Variants in PPM1H observed in about 807,000 individuals in gnomAD.
PPM1H encodes protein phosphatase, Mg2+/Mn2+ dependent 1H, also known as protein phosphatase 1H.
In PPM1H, 27 loss-of-function variants were observed where a neutral mutation model predicts 54.9. That is an observed-to-expected ratio of 0.49 (90% confidence interval 0.36 to 0.68). The LOEUF is 0.68. Among genes scored for constraint, PPM1H ranks in the 30% least tolerant of loss-of-function variants. PPM1H has a pLI of 0.00. For missense variants in PPM1H, 596 were observed against 667.8 expected, an observed-to-expected ratio of 0.89 and a Z score of 1.19; for synonymous variants, 305 against 270.8, an observed-to-expected ratio of 1.13 and a Z score of -1.24.
At chr12:62,911,717 C>T (rs1393378733) in intron 1 of PPM1H, among the ~76,000 whole-genome samples, 1 of 152,248 alleles carries the variant, frequency 6.6e-6, no homozygotes, top group African/African-American at 2.4e-5. Context: ...CACGCTTTCC[C>T]TCTACTGCAT....
intron 1 of PPM1H, among the ~76,000 whole-genome samples, chr12:62,861,814 A>C (rs996650495): frequency 6.6e-6 from 1 of 152,168 alleles, no homozygotes; most frequent in Admixed American, 6.5e-5. Context: ...TGTCCCTTCT[A>C]AAGGGGCAGC....
chr12:62,825,890 A>T lies in PPM1H; in HGVS notation c.411+6224T>A, dbSNP rs182096307. 5.0e-3 allele frequency among the ~76,000 whole-genome samples: 768 copies of T among 152,280 alleles called. 9 individuals are homozygous for T. Among genetic ancestry groups the T allele is most frequent in the African/African-American group, 0.016 (651 of 41,556 alleles). ...TAGAACTTAAAGTATAATAAAAAAA[A>T]AATAATAAAATGCCAAATTACCACC... On this transcript the variant is annotated intron_variant, in intron 2 of 9. Coordinates refer to ENST00000228705, the MANE Select transcript of PPM1H (RefSeq NM_020700.2).
intron 1 of PPM1H, among the ~76,000 whole-genome samples, chr12:62,855,177 T>A (rs1443965241): frequency 6.6e-6 from 1 of 152,194 alleles, no homozygotes; most frequent in Non-Finnish European, 1.5e-5. Flanking sequence ...GGCACTATTC[T>A]GGTTTTAGTG....
At chr12:62,929,742 A>T (rs1418658447) in intron 1 of PPM1H, among the ~76,000 whole-genome samples, 1 of 152,126 alleles carries the variant, frequency 6.6e-6, no homozygotes, top group African/African-American at 2.4e-5. Context: ...ATAATGCTAT[A>T]TCTGAAATAT....
intron 1 of PPM1H, among the ~76,000 whole-genome samples, chr12:62,890,717 TACACACACACACACACACACAC>T (rs5798665): frequency 3.5e-5 from 5 of 143,212 alleles, no homozygotes; most frequent in African/African-American, 1.3e-4. Context: ...TGTGTGTGTA[TACACACACACACACACACACAC>T]ACACACACAC....
chr12:62,703,393 T>C (rs931699863), intron 6 of PPM1H, among the ~76,000 whole-genome samples: 42 of 151,504 alleles, frequency 2.8e-4, no homozygotes, highest in Non-Finnish European at 4.7e-4. Context: ...TTTTTTTTTT[T>C]TCCTTAGCTG....
At chr12:62,751,758 A>G (rs542807375) in intron 4 of PPM1H, among the ~76,000 whole-genome samples, 77 of 152,312 alleles carry the variant, frequency 5.1e-4, no homozygotes, top group African/African-American at 1.8e-3. Context: ...TGAGATCTAG[A>G]CTGTATAATG....
intron 1 of PPM1H, among the ~76,000 whole-genome samples, chr12:62,888,180 A>T (rs1870659143): frequency 6.6e-6 from 1 of 152,176 alleles, no homozygotes; most frequent in Non-Finnish European, 1.5e-5. Context: ...TGATGAGACA[A>T]AGAACAGAGC....
chr12:62,698,725 AC>A (rs1319087436), intron 6 of PPM1H, among the ~76,000 whole-genome samples: 1 of 152,170 alleles, frequency 6.6e-6, no homozygotes, highest in African/African-American at 2.4e-5. Flanking sequence ...TTTTAGGGTT[AC>A]ATATGGAGAC....
intron 1 of PPM1H, among the ~76,000 whole-genome samples, chr12:62,846,374 C>A (rs2120915300): frequency 6.6e-6 from 1 of 152,072 alleles, no homozygotes; most frequent in South Asian, 2.1e-4. Flanking sequence ...GTGGCAGGCA[C>A]CTGTAGTCCC....
chr12:62,896,898 C>T (rs1421479950), intron 1 of PPM1H, among the ~76,000 whole-genome samples: 1 of 152,056 alleles, frequency 6.6e-6, no homozygotes, highest in East Asian at 1.9e-4. Context: ...GGCACACATA[C>T]ACTATGGAAT....
chr12:62,686,662 C>A (rs1463243005), intron 8 of PPM1H, among the ~76,000 whole-genome samples: 1 of 152,194 alleles, frequency 6.6e-6, no homozygotes, highest in East Asian at 1.9e-4. Flanking sequence ...CTTCATTATG[C>A]AGAATTGCTA....
chr12:62,878,348 A>C (rs1466274688), intron 1 of PPM1H, among the ~76,000 whole-genome samples: 3 of 152,266 alleles, frequency 2.0e-5, no homozygotes, highest in African/African-American at 7.2e-5. Flanking sequence ...TGGAGATGGA[A>C]AGAATCTACC....
chr12:62,825,732 G>A (rs573188830), intron 2 of PPM1H, among the ~76,000 whole-genome samples: 6 of 152,200 alleles, frequency 3.9e-5, no homozygotes, highest in South Asian at 2.1e-4. Flanking sequence ...GGGGCCTGTC[G>A]CGGAGTGTGG....
chr12:62,656,392 A>C (rs1167683560), intron 9 of PPM1H, among the ~76,000 whole-genome samples: 3 of 152,164 alleles, frequency 2.0e-5, no homozygotes, highest in African/African-American at 7.2e-5. Context: ...GAGGTCAATA[A>C]GTGTTAGTTA....
At chr12:62,705,450 G>A (rs411169) in intron 6 of PPM1H, among the ~76,000 whole-genome samples, 2 of 152,338 alleles carry the variant, frequency 1.3e-5, no homozygotes, top group African/African-American at 4.8e-5. Flanking sequence ...AGTAAACAAA[G>A]TGAAAGTCAC....
At chr12:62,688,923 G>A (rs2076069187) in intron 8 of PPM1H, among the ~76,000 whole-genome samples, 1 of 152,210 alleles carries the variant, frequency 6.6e-6, no homozygotes, top group Non-Finnish European at 1.5e-5. Context: ...TTGAGCCCAG[G>A]AGACAGAAGT....
intron 8 of PPM1H, among the ~76,000 whole-genome samples, chr12:62,689,035 G>A (rs1042942443): frequency 6.6e-6 from 1 of 152,176 alleles, no homozygotes; most frequent in Non-Finnish European, 1.5e-5. Flanking sequence ...ACCGAAGGCA[G>A]ACAGTGAAAA....
At chr12:62,706,983 C>T (rs376958200) in intron 6 of PPM1H, among the ~76,000 whole-genome samples, 9 of 152,256 alleles carry the variant, frequency 5.9e-5, no homozygotes, top group Admixed American at 3.3e-4. Flanking sequence ...TAGATTTAAC[C>T]TGAGCTTTGA....
Sources: gnomAD v4.1 joint callset for allele counts (sites outside exome capture counted in the v4.1 genomes callset) on GRCh38, gnomAD v4.1.1 for gene constraint, MANE v1.5 for transcripts, NCBI Gene and HGNC (gene_info 2026-07-23, HGNC 2026-07-21) for gene names.